The following PLCH1 variants were observed in gnomAD, a reference collection of about 807,000 sequenced individuals.
The protein encoded by PLCH1 is phospholipase C eta 1, also known as 1-phosphatidylinositol 4,5-bisphosphate phosphodiesterase eta-1.
PLCH1 carries 60 observed loss-of-function variants against 126.7 expected under a neutral mutation model. That is an observed-to-expected ratio of 0.47 (90% CI 0.38 to 0.59). PLCH1 has a LOEUF of 0.59. Ranked by LOEUF, PLCH1 falls within the 20% of genes least tolerant of loss-of-function variation. The pLI, the probability that PLCH1 is intolerant of heterozygous loss-of-function variation, is 0.00. For missense variants in PLCH1, 1,723 were observed against 2,040.0 expected (o/e 0.84, Z 2.99); for synonymous variants, 719 against 734.9 (o/e 0.98, Z 0.35).
At chr3:155,542,545 G>T (rs1454670165) in intron 10 of PLCH1, among the ~76,000 whole-genome samples, 1 of 152,084 alleles carries the variant, frequency 6.6e-6, no homozygotes, top group Admixed American at 6.5e-5. Context: ...GGTTCTCCCA[G>T]CACGCAGCTG....
chr3:155,587,133 C>T (rs1473402607), intron 4 of PLCH1, among the ~76,000 whole-genome samples: 1 of 152,142 alleles, frequency 6.6e-6, no homozygotes, highest in African/African-American at 2.4e-5. Context: ...TAGAGTTCTT[C>T]GTTTATGAGG....
chr3:155,653,540 A>G (rs1023801936), intron 2 of PLCH1, among the ~76,000 whole-genome samples: 3 of 152,060 alleles, frequency 2.0e-5, no homozygotes, highest in African/African-American at 7.3e-5. Flanking sequence ...CACATCCTTT[A>G]TGCCTGCACA....
chr3:155,530,049 G>A (rs1479039956), intron 10 of PLCH1, among the ~76,000 whole-genome samples: 1 of 152,090 alleles, frequency 6.6e-6, no homozygotes, highest in East Asian at 1.9e-4. Flanking sequence ...ACCACACCTG[G>A]CCAGCAATTT....
At chr3:155,525,082 G>A (rs1721721077) in intron 10 of PLCH1, among the ~76,000 whole-genome samples, 1 of 152,138 alleles carries the variant, frequency 6.6e-6, no homozygotes. Context: ...CACTCCAGGA[G>A]GCCAAGGCAG....
At chr3:155,571,435 G>A (rs565937009) in intron 6 of PLCH1, among the ~76,000 whole-genome samples, 1 of 152,082 alleles carries the variant, frequency 6.6e-6, no homozygotes, top group South Asian at 2.1e-4. Flanking sequence ...TTTGGAGATG[G>A]AGTCTTGCCC....
intron 6 of PLCH1, among the ~76,000 whole-genome samples, chr3:155,570,971 C>T (rs781115089): frequency 1.3e-5 from 2 of 151,966 alleles, no homozygotes; most frequent in Non-Finnish European, 2.9e-5. Context: ...GTTCTTTAGT[C>T]TCATCCAGAA....
intron 2 of PLCH1, among the ~76,000 whole-genome samples, chr3:155,653,775 GCCTGTACACT>G (rs1399929345): frequency 1.3e-5 from 2 of 151,736 alleles, no homozygotes; most frequent in Non-Finnish European, 2.9e-5. Context: ...CTTCACCTAT[GCCTGTACACT>G]CCACTTCTTC....
At chr3:155,543,573 A>C (rs1333823516) in intron 10 of PLCH1, among the ~76,000 whole-genome samples, 2 of 152,252 alleles carry the variant, frequency 1.3e-5, no homozygotes, top group Non-Finnish European at 2.9e-5. Flanking sequence ...AGCAACTACA[A>C]GACACATAAT....
At chr3:155,550,465 C>T (rs1725958409) in intron 9 of PLCH1, among the ~76,000 whole-genome samples, 1 of 152,118 alleles carries the variant, frequency 6.6e-6, no homozygotes, top group African/African-American at 2.4e-5. Flanking sequence ...TTTATAGCAT[C>T]CTACGTCGCA....
At chr3:155,672,337 C>G (rs749636378) in intron 2 of PLCH1, among the ~76,000 whole-genome samples, 4 of 152,170 alleles carry the variant, frequency 2.6e-5, no homozygotes, top group African/African-American at 4.8e-5. Flanking sequence ...TAAGGGAGAA[C>G]TTGCCCTCAC....
intron 1 of PLCH1, among the ~76,000 whole-genome samples, chr3:155,732,033 T>C (rs1056886681): frequency 6.0e-5 from 8 of 133,948 alleles, no homozygotes; most frequent in African/African-American, 8.4e-5. Flanking sequence ...CACCTCCAAC[T>C]GAACAAAATA....
At chr3:155,673,753 G>C (rs779274291) in intron 2 of PLCH1, among the ~76,000 whole-genome samples, 1 of 152,056 alleles carries the variant, frequency 6.6e-6, no homozygotes, top group Non-Finnish European at 1.5e-5. Flanking sequence ...TCGCTCTTAC[G>C]TTGACATCTA....
At chr3:155,548,797 T>C (rs1442359855) in intron 10 of PLCH1, among the ~76,000 whole-genome samples, 1 of 152,224 alleles carries the variant, frequency 6.6e-6, no homozygotes, top group Non-Finnish European at 1.5e-5. Context: ...CAACACCTTT[T>C]TGATGTATTC....
At chr3:155,640,181 C>T (rs1739244118) in intron 2 of PLCH1, among the ~76,000 whole-genome samples, 2 of 152,188 alleles carry the variant, frequency 1.3e-5, no homozygotes, top group Non-Finnish European at 1.5e-5. Flanking sequence ...TCCAAACATG[C>T]CAAAGCAGAG....
chr3:155,464,092 G>A (rs1416161030), intron 21 of PLCH1, among the ~76,000 whole-genome samples: 1 of 152,186 alleles, frequency 6.6e-6, no homozygotes, highest in Non-Finnish European at 1.5e-5. Flanking sequence ...GGTTTCACAG[G>A]TGCATTGGAG....
At chr3:155,539,159 G>C (rs1201084907) in intron 10 of PLCH1, among the ~76,000 whole-genome samples, 1 of 152,198 alleles carries the variant, frequency 6.6e-6, no homozygotes, top group East Asian at 1.9e-4. Flanking sequence ...AAAATCACAT[G>C]ATCATCTCAA....
chr3:155,649,050 G>T (rs1341099900), intron 2 of PLCH1, among the ~76,000 whole-genome samples: 1 of 152,154 alleles, frequency 6.6e-6, no homozygotes, highest in Non-Finnish European at 1.5e-5. Flanking sequence ...ACCTGATGAG[G>T]CTGGCCTTTT....
chr3:155,535,166 C>T (rs183896366), intron 10 of PLCH1, among the ~76,000 whole-genome samples: 36 of 152,284 alleles, frequency 2.4e-4, no homozygotes, highest in African/African-American at 8.4e-4. Context: ...CTCACAGGGG[C>T]CTTTGGGGAG....
intron 2 of PLCH1, among the ~76,000 whole-genome samples, chr3:155,627,537 G>T (rs1449896271): frequency 1.3e-5 from 2 of 151,852 alleles, no homozygotes; most frequent in Non-Finnish European, 2.9e-5. Context: ...GGGAGGCTGA[G>T]GTGGGAGAAT....
Sources: gnomAD v4.1 joint callset for allele counts (sites outside exome capture counted in the v4.1 genomes callset) on GRCh38, gnomAD v4.1.1 for gene constraint, MANE v1.5 for transcripts, NCBI Gene and HGNC (gene_info 2026-07-23, HGNC 2026-07-21) for gene names.